MAP1B: variants seen among roughly 807,000 people sequenced by gnomAD.
MAP1B encodes the protein microtubule associated protein 1B, also known as microtubule-associated protein 1B.
A neutral mutation model predicts 176.1 loss-of-function variants in MAP1B; 12 were observed. The ratio of observed to expected loss-of-function variants is 0.07; its 90% CI spans 0.04 to 0.11. The LOEUF (loss-of-function observed/expected upper bound fraction) is 0.11. Among genes scored for constraint, MAP1B ranks in the 10% least tolerant of loss-of-function variants. MAP1B has a pLI of 1.00. For synonymous variants in MAP1B, 1,044 were observed against 1,135.0 expected, an observed-to-expected ratio of 0.92 and a Z score of 1.61; for missense variants, 2,523 against 2,990.5, an observed-to-expected ratio of 0.84 and a Z score of 3.65.
intron 2 of MAP1B, 37 bp downstream of exon 2, chr5:72,115,836 C>A (rs1579979413): frequency 6.9e-7 from 1 of 1,448,592 alleles, no homozygotes; most frequent in South Asian, 1.1e-5. Context: ...GCCTAGAATT[C>A]CAAAGGACAA....
intron 1 of MAP1B, among the ~76,000 whole-genome samples, chr5:72,115,010 T>C (rs1355738906): frequency 2.6e-5 from 4 of 152,092 alleles, no homozygotes; most frequent in African/African-American, 4.8e-5. Flanking sequence ...CAATGAACAA[T>C]TGTGAATAAA....
chr5:72,156,980 G>A (rs1157233015), intron 2 of MAP1B, among the ~76,000 whole-genome samples: 1 of 152,160 alleles, frequency 6.6e-6, no homozygotes, highest in Non-Finnish European at 1.5e-5. Flanking sequence ...ATTACGGGCT[G>A]GAAGATGTTA....
intron 3 of MAP1B, 89 bp downstream of exon 3, chr5:72,183,914 A>G: frequency 9.0e-7 from 1 of 1,114,670 alleles, no homozygotes; most frequent in South Asian, 1.3e-5. Context: ...AAATGGGGGC[A>G]GGAGAGGGAC....
At chr5:72,182,023 CTTTTTTTTTTT>C (rs34251206) in intron 2 of MAP1B, among the ~76,000 whole-genome samples, 1 of 94,762 alleles carries the variant, frequency 1.1e-5, no homozygotes, top group African/African-American at 4.8e-5. Flanking sequence ...CGCACCTGGC[CTTTTTTTTTTT>C]TTTTTTTTTT....
rs765598900 is a variant in MAP1B, at chr5:72,196,982, A to G, written c.3627A>G (p.Pro1209=). The G allele has an allele frequency of 8.1e-6, 13 of 1,613,986 alleles. 1 individual carries two copies. In the East Asian group the frequency reaches 2.9e-4, roughly 36 times the overall value. Reference sequence around the variant, plus strand: ...ATGCTTCAGCCTCTACCATATCACCACCCTCTTCCATGGAGGAAGACAAAT... The same window carrying G: ...ATGCTTCAGCCTCTACCATATCACCGCCCTCTTCCATGGAGGAAGACAAAT... ...DYNASASTIS[P]PSSMEEDKFS... The change falls in exon 5 of 7, where the codon CCA becomes CCG. Residue 1209 remains proline, a synonymous_variant. Coordinates refer to ENST00000296755, the MANE Select transcript of MAP1B (RefSeq NM_005909.5). The surrounding 1 kb of genome is among the most constrained non-coding windows in gnomAD (Gnocchi z 5.3).
chr5:72,113,730 A>C (rs893057203), intron 1 of MAP1B, among the ~76,000 whole-genome samples: 1 of 152,244 alleles, frequency 6.6e-6, no homozygotes. Flanking sequence ...AGTAGAGCTC[A>C]GACCTGGAAC....
At position 72,200,156 on chromosome 5, in the gene MAP1B, C is replaced by T; in HGVS notation, c.6801C>T (p.Pro2267=). 1 of 1,614,230 alleles carries T rather than the reference C, an allele frequency of 6.2e-7. No homozygotes were observed. Among genetic ancestry groups the T allele is most frequent in the Middle Eastern group, 1.6e-4 (1 of 6,062 alleles). ...PVKKSDGKSK[P]LAASPKPAGL... ...AAAAGAGTGATGGGAAGTCTAAGCC[C>T]TTGGCAGCTTCACCAAAACCAGCGG... The change falls in exon 5 of 7, where the codon CCC becomes CCT. Residue 2267 remains proline, a synonymous_variant. Transcript: ENST00000296755.
intron 2 of MAP1B, among the ~76,000 whole-genome samples, chr5:72,164,784 G>T (rs866080369): frequency 3.0e-4 from 45 of 152,168 alleles, no homozygotes; most frequent in Admixed American, 1.2e-3. Flanking sequence ...CTCTCAGTCC[G>T]CTGGGTGAAC....
intron 4 of MAP1B, among the ~76,000 whole-genome samples, chr5:72,188,242 C>G (rs1746955024): frequency 6.6e-6 from 1 of 152,218 alleles, no homozygotes; most frequent in African/African-American, 2.4e-5. Context: ...AAGATTATGT[C>G]CCCATGTGCA....
At position 72,199,515 on chromosome 5, in the gene MAP1B, G is replaced by C. The variant is rs1747275829; in HGVS notation, c.6160G>C (p.Ala2054Pro). 3.1e-6 allele frequency: 5 copies of C among 1,614,014 alleles called. No individual in the cohort carries two copies. In the South Asian group the frequency reaches 5.5e-5, roughly 18 times the overall value. The change falls in exon 5 of 7, where the codon GCA (alanine) becomes CCA (proline). Residue 2054 changes from alanine to proline, a missense_variant. Ala to Pro is a conservative substitution (Grantham distance 27). Transcript: ENST00000296755. The surrounding 1 kb of genome is among the most constrained non-coding windows in gnomAD (Gnocchi z 4.2). ...TAEKITRTPQ[A>P]STYSYETSDL... ...AGAGAAAATCACTAGAACCCCTCAG[G>C]CATCCACATATTCCTACGAGACTTC...
chr5:72,196,846 A>C lies in MAP1B; in HGVS notation c.3491A>C (p.Lys1164Thr), dbSNP rs777166306. 2 of 1,614,194 alleles carry C rather than the reference A, an allele frequency of 1.2e-6. No homozygotes were observed. The highest frequency in any genetic ancestry group is 2.7e-5 in the African/African-American group (2 of 75,068). ...SPSQEFVNIT[K>T]YESSLYSQEY... Reference sequence around the variant, plus strand: ...TCTCAGGAATTCGTAAATATCACCAAATATGAATCTTCATTGTATTCTCAG... The same window carrying C: ...TCTCAGGAATTCGTAAATATCACCACATATGAATCTTCATTGTATTCTCAG... The change falls in exon 5 of 7, where the codon AAA becomes ACA. Residue 1164 changes from lysine (K) to threonine (T), a missense_variant. Transcript: ENST00000296755. The surrounding 1 kb of genome is among the most constrained non-coding windows in gnomAD (Gnocchi z 5.3).
intron 4 of MAP1B, among the ~76,000 whole-genome samples, chr5:72,191,883 G>C (rs1271539555): frequency 6.6e-6 from 1 of 152,148 alleles, no homozygotes; most frequent in East Asian, 1.9e-4. Flanking sequence ...TCTCTGGATA[G>C]AGGTGAAAAG....
In MAP1B at chr5:72,108,297, C is replaced by G. The variant is rs539231132; in HGVS notation, c.184+582C>G. ...GCCACGCCCGCTCCCCCCGCCCCCC[C>G]CTCCCCGGGGAGATGCTGGGATGCA... On this transcript the variant is annotated intron_variant, in intron 1 of 6. Transcript: ENST00000296755. 8.5e-5 allele frequency among the ~76,000 whole-genome samples: 13 copies of G among 152,384 alleles called. 1 individual carries two copies. In the South Asian group the frequency reaches 1.7e-3, roughly 19 times the overall value.
intron 5 of MAP1B, among the ~76,000 whole-genome samples, chr5:72,200,824 C>A (rs191815251): frequency 4.6e-5 from 7 of 152,140 alleles, no homozygotes; most frequent in African/African-American, 1.7e-4. Context: ...ATTTAGAGTC[C>A]TTTTTTAAAA....
chr5:72,184,447 A>G (rs1353506928), intron 3 of MAP1B, among the ~76,000 whole-genome samples: 1 of 152,262 alleles, frequency 6.6e-6, no homozygotes, highest in Non-Finnish European at 1.5e-5. Context: ...TTTAATGTTC[A>G]TATTTAATGT....
At chr5:72,180,209 C>G (rs559929615) in intron 2 of MAP1B, among the ~76,000 whole-genome samples, 41 of 152,298 alleles carry the variant, frequency 2.7e-4, no homozygotes, top group African/African-American at 9.9e-4. Context: ...ACTTTATGTA[C>G]CTTGCTCAAG....
chr5:72,165,840 CACCG>C (rs1746417142), intron 2 of MAP1B, among the ~76,000 whole-genome samples: 1 of 152,108 alleles, frequency 6.6e-6, no homozygotes, highest in Non-Finnish European at 1.5e-5. Flanking sequence ...TGTTGGGAGA[CACCG>C]TGATAGAGCA....
chr5:72,146,961 CTTT>C (rs549281263), intron 2 of MAP1B, among the ~76,000 whole-genome samples: 5 of 134,900 alleles, frequency 3.7e-5, no homozygotes, highest in Admixed American at 7.5e-5. Flanking sequence ...TCCAAATCTT[CTTT>C]TTTTTTTTTT....
chr5:72,128,195 G>A (rs1268084519), intron 2 of MAP1B, among the ~76,000 whole-genome samples: 1 of 152,060 alleles, frequency 6.6e-6, no homozygotes, highest in African/African-American at 2.4e-5. Flanking sequence ...TGTGCCTCAG[G>A]GTCCTCATGA....
Sources: allele counts gnomAD v4.1 joint callset (sites outside exome capture counted in the v4.1 genomes callset), GRCh38; gene constraint gnomAD v4.1.1; non-coding constraint Gnocchi (gnomAD v3.1); transcripts MANE v1.5; gene names NCBI Gene and HGNC (gene_info 2026-07-23, HGNC 2026-07-21).